Variants in CAMTA1 observed in about 807,000 individuals in gnomAD.
CAMTA1 encodes the protein calmodulin-binding transcription activator 1.
A neutral mutation model predicts 170.9 loss-of-function variants in CAMTA1; 27 were observed. The observed-to-expected ratio is 0.16, with a 90% confidence interval of 0.12 to 0.22. The LOEUF is 0.22. Among genes scored for constraint, CAMTA1 ranks in the 10% least tolerant of loss-of-function variants. CAMTA1 has a pLI of 1.00. For synonymous variants in CAMTA1, 833 were observed against 891.5 expected (o/e 0.93, Z 1.17); for missense variants, 1,619 against 2,217.2 (o/e 0.73, Z 5.42).
intron 3 of CAMTA1, among the ~76,000 whole-genome samples, chr1:6,941,524 A>G (rs939646315): frequency 1.3e-5 from 2 of 152,114 alleles, no homozygotes; most frequent in South Asian, 4.1e-4. Context: ...TAAATGGCCT[A>G]TTTAGGAGGT....
At chr1:7,416,117 G>A (rs2091152937) in intron 5 of CAMTA1, among the ~76,000 whole-genome samples, 1 of 152,186 alleles carries the variant, frequency 6.6e-6, no homozygotes, top group South Asian at 2.1e-4. Flanking sequence ...TAGAGTTTCT[G>A]CTGAGAGATC....
At chr1:7,045,273 G>A (rs945651025) in intron 3 of CAMTA1, among the ~76,000 whole-genome samples, 16 of 152,158 alleles carry the variant, frequency 1.1e-4, no homozygotes, top group African/African-American at 3.9e-4. Context: ...CTTATCCACT[G>A]TGACTTGGCC....
intron 5 of CAMTA1, among the ~76,000 whole-genome samples, chr1:7,457,593 G>A (rs532580323): frequency 4.6e-5 from 7 of 152,154 alleles, no homozygotes; most frequent in African/African-American, 7.2e-5. Context: ...ACTGTTCTCC[G>A]CGACTCTTAC....
intron 4 of CAMTA1, among the ~76,000 whole-genome samples, chr1:7,222,053 C>T (rs547427019): frequency 1.3e-5 from 2 of 152,222 alleles, no homozygotes; most frequent in African/African-American, 2.4e-5. Flanking sequence ...GACTGTGACT[C>T]GAGGTGATGG....
intron 3 of CAMTA1, among the ~76,000 whole-genome samples, chr1:6,898,854 G>A (rs1403871735): frequency 1.3e-5 from 2 of 152,136 alleles, no homozygotes; most frequent in South Asian, 2.1e-4. Context: ...CTCCAAACAG[G>A]TAGCTGGCCA....
intron 6 of CAMTA1, among the ~76,000 whole-genome samples, chr1:7,493,649 G>C (rs962577633): frequency 2.3e-4 from 5 of 22,060 alleles, no homozygotes; most frequent in African/African-American, 4.9e-4. Flanking sequence ...GAACTGGGGG[G>C]GGGGGGGGGT....
At position 7,532,657 on chromosome 1, in the gene CAMTA1, C is replaced by T. The variant is rs2094505166; in HGVS notation, c.510+64756C>T. Among the ~76,000 whole-genome samples, 2 of 152,236 alleles carry T rather than the reference C, an allele frequency of 1.3e-5. No individual in the cohort carries two copies. The highest frequency in any genetic ancestry group is 6.5e-5 in the Admixed American group (1 of 15,288). On this transcript the variant is annotated intron_variant, in intron 6 of 22. Transcript: ENST00000303635. This position sits in a 1 kb window ranked among gnomAD's most constrained non-coding sequence, Gnocchi z 4.2. ...AAAAGCATAGGGCTTGGCAACCTCC[C>T]TCTTCTCCCTGGAGTTGAAGGCAGT...
intron 5 of CAMTA1, among the ~76,000 whole-genome samples, chr1:7,372,879 C>T (rs147340730): frequency 3.9e-5 from 6 of 152,332 alleles, no homozygotes; most frequent in African/African-American, 1.4e-4. Context: ...AATGCTTCTC[C>T]CTTTCAATGG....
intron 3 of CAMTA1, among the ~76,000 whole-genome samples, chr1:6,963,747 G>A (rs556462690): frequency 6.6e-6 from 1 of 152,282 alleles, no homozygotes; most frequent in South Asian, 2.1e-4. Context: ...TGGGGGCTGG[G>A]CGCGGCTCGG....
intron 6 of CAMTA1, among the ~76,000 whole-genome samples, chr1:7,596,847 C>T (rs2095404044): frequency 6.6e-6 from 1 of 150,578 alleles, no homozygotes; most frequent in Admixed American, 6.6e-5. Context: ...TTTCATCCCC[C>T]CACCCCCACC....
intron 3 of CAMTA1, among the ~76,000 whole-genome samples, chr1:6,926,489 TC>T (rs1340872675): frequency 7.3e-6 from 1 of 137,578 alleles, no homozygotes; most frequent in Non-Finnish European, 1.6e-5. Context: ...TCTTTCTTTC[TC>T]TCTCTCTTTT....
rs1025678301 is a variant in CAMTA1, at chr1:7,633,676, G to A, written c.511-6724G>A. ...TGCTGGAGCAGCTTGGCGGCACCCC[G>A]CTATGCCCCCGGTTTTCAGTAAGTA... is the stretch of plus-strand genomic sequence containing the variant. On this transcript the variant is annotated intron_variant, in intron 6 of 22. Transcript: ENST00000303635. This position sits in a 1 kb window ranked among gnomAD's most constrained non-coding sequence, Gnocchi z 4.1. Among the ~76,000 whole-genome samples the A allele has an allele frequency of 2.6e-5, 4 of 152,208 alleles. No individual in the cohort carries two copies. Among genetic ancestry groups the A allele is most frequent in the East Asian group, 1.9e-4 (1 of 5,200 alleles).
At chr1:7,288,835 T>G (rs576352341) in intron 5 of CAMTA1, among the ~76,000 whole-genome samples, 2 of 151,208 alleles carry the variant, frequency 1.3e-5, no homozygotes, top group South Asian at 4.2e-4. Context: ...AGCGGGAGAG[T>G]TGGGGAAGGA....
At chr1:6,937,674 C>CCACTACCAT (rs142590550) in intron 3 of CAMTA1, among the ~76,000 whole-genome samples, 1 of 149,418 alleles carries the variant, frequency 6.7e-6, no homozygotes. Context: ...ATCATCATCA[C>CCACTACCAT]CATCACTATC....
Position 7,269,985 on chromosome 1 carries a change from AC to A in CAMTA1, c.438+20361del, listed in dbSNP as rs374157815. The stretch of plus-strand genomic sequence containing the variant: ...AAAACACATTACAAAGATAAGAATT[AC>A]CACTGATTTCTCATTACAAACATTG... On this transcript the variant is annotated intron_variant, in intron 5 of 22. Transcript: ENST00000303635. 9.2e-5 allele frequency among the ~76,000 whole-genome samples: 14 copies of A among 152,274 alleles called. No individual in the cohort carries two copies. The South Asian group carries it at 2.7e-3, about 29-fold the overall frequency.
chr1:7,101,234 G>A (rs1436100264), intron 4 of CAMTA1, among the ~76,000 whole-genome samples: 2 of 152,190 alleles, frequency 1.3e-5, no homozygotes, highest in African/African-American at 2.4e-5. Flanking sequence ...TGTCACGGGC[G>A]TGGATTGGCA....
At chr1:7,377,264 G>A (rs974455929) in intron 5 of CAMTA1, among the ~76,000 whole-genome samples, 3 of 152,188 alleles carry the variant, frequency 2.0e-5, no homozygotes, top group African/African-American at 7.2e-5. Flanking sequence ...CACCGTCCTC[G>A]CTATGGGGAG....
At chr1:7,492,075 AGGATG>A (rs2093711127) in intron 6 of CAMTA1, among the ~76,000 whole-genome samples, 1 of 152,174 alleles carries the variant, frequency 6.6e-6, no homozygotes. Context: ...AAACCTGTCT[AGGATG>A]GGACACGCTC....
intron 4 of CAMTA1, among the ~76,000 whole-genome samples, chr1:7,157,691 A>G (rs1204438675): frequency 6.6e-6 from 1 of 152,198 alleles, no homozygotes; most frequent in Non-Finnish European, 1.5e-5. Context: ...CCTCTCTTGG[A>G]CATCTACCAA....
Sources: gnomAD v4.1 joint callset for allele counts (sites outside exome capture counted in the v4.1 genomes callset) on GRCh38, gnomAD v4.1.1 for gene constraint, Gnocchi (gnomAD v3.1) non-coding constraint, MANE v1.5 for transcripts, NCBI Gene and HGNC (gene_info 2026-07-23, HGNC 2026-07-21) for gene names.